Variants in TAX1BP1 observed in about 807,000 individuals in gnomAD.
The protein encoded by TAX1BP1 is tax1-binding protein 1.
TAX1BP1 carries 62 observed loss-of-function variants against 97.7 expected under a neutral mutation model. The observed-to-expected ratio is 0.63, with a 90% CI of 0.52 to 0.78. The LOEUF (loss-of-function observed/expected upper bound fraction) is 0.78, where lower values mean the gene tolerates loss of function less well. Among genes scored for constraint, TAX1BP1 ranks in the 30% least tolerant of loss-of-function variants. TAX1BP1 has a pLI of 0.00. For missense variants in TAX1BP1, 867 were observed against 916.1 expected (o/e 0.95, Z 0.69); for synonymous variants, 340 against 304.2 (o/e 1.12, Z -1.23).
chr7:27,828,658 T>G lies in TAX1BP1; in HGVS notation c.2199T>G (p.Cys733Trp). The G allele has an allele frequency of 1.9e-6, 3 of 1,614,034 alleles. No homozygotes were observed. The highest frequency in any genetic ancestry group is 1.7e-6 in the Non-Finnish European group (2 of 1,179,948). The change falls in exon 17 of 17, where the codon TGT becomes TGG. Residue 733 changes from cysteine (C) to tryptophan (W), a missense_variant. This residue lies in a region of TAX1BP1 where 822 missense variants were observed against 851.4 expected (regional missense o/e 0.97). Coordinates refer to ENST00000396319, the MANE Select transcript of TAX1BP1 (RefSeq NM_006024.7). ...SFDVHKKCPLCELMFPPNYDQ... is the reference protein window; with the variant it reads ...SFDVHKKCPLWELMFPPNYDQ... ...ATGTTCACAAGAAGTGTCCCCTCTG[T>G]GAGTTAATGTTTCCTCCTAACTATG...
chr7:27,817,052 T>C lies in TAX1BP1; in HGVS notation c.2085+14T>C. ...GAGGATAGCAAAGTAAATTGAATTT[T>C]CATTGTGTGAGCCTGTCCCTTTTTT... On this transcript the variant is annotated intron_variant, in intron 15 of 16. Transcript: ENST00000396319. 6.2e-7 allele frequency: 1 copy of C among 1,602,612 alleles called. No individual in the cohort carries two copies. The highest frequency in any genetic ancestry group is 1.1e-5 in the South Asian group (1 of 89,658).
At chr7:27,776,205 G>A (rs1789027593) in intron 5 of TAX1BP1, among the ~76,000 whole-genome samples, 1 of 152,090 alleles carries the variant, frequency 6.6e-6, no homozygotes, top group Non-Finnish European at 1.5e-5. Context: ...GTATTCTTCA[G>A]TGTATTGTAA....
chr7:27,774,456 A>G (rs1788953036), intron 5 of TAX1BP1, among the ~76,000 whole-genome samples: 1 of 152,132 alleles, frequency 6.6e-6, no homozygotes, highest in Admixed American at 6.6e-5. Context: ...ATGGCTTATA[A>G]TAACAGATAC....
intron 13 of TAX1BP1, among the ~76,000 whole-genome samples, chr7:27,812,036 T>G (rs947322265): frequency 1.3e-5 from 2 of 152,228 alleles, no homozygotes; most frequent in Non-Finnish European, 2.9e-5. Context: ...TGCGGGCTTA[T>G]ATGGTAAGTG....
At chr7:27,816,261 G>A in intron 13 of TAX1BP1, 88 bp from the exon 14 acceptor site, 1 of 1,079,316 alleles carries the variant, frequency 9.3e-7, no homozygotes, top group Non-Finnish European at 1.3e-6. Flanking sequence ...TAATTTTATT[G>A]TTATATTTTG....
intron 4 of TAX1BP1, among the ~76,000 whole-genome samples, chr7:27,767,685 A>G (rs527865780): frequency 1.3e-5 from 2 of 152,174 alleles, no homozygotes; most frequent in East Asian, 3.9e-4. Context: ...GACCACCCTC[A>G]TTTCAGGGCC....
intron 4 of TAX1BP1, 53 bp downstream of exon 4, chr7:27,766,074 CATGTTGGTTGGCAT>C (rs1788622612): frequency 2.6e-6 from 4 of 1,535,116 alleles, no homozygotes; most frequent in Admixed American, 4.0e-5. Flanking sequence ...GAACAGAGCT[CATGTTGGTTGGCAT>C]TTTAAGAATT....
chr7:27,796,561 T>A (rs1789941429), intron 12 of TAX1BP1, among the ~76,000 whole-genome samples: 1 of 152,208 alleles, frequency 6.6e-6, no homozygotes, highest in African/African-American at 2.4e-5. Flanking sequence ...GAAGTGCTGT[T>A]TTTAAATTTA....
intron 13 of TAX1BP1, among the ~76,000 whole-genome samples, chr7:27,815,116 T>G (rs575410496): frequency 3.9e-5 from 6 of 152,312 alleles, no homozygotes; most frequent in African/African-American, 1.2e-4. Context: ...GTTTTACTTC[T>G]TCCTTTCCAG....
At chr7:27,761,385 C>T (rs946402947) in intron 3 of TAX1BP1, among the ~76,000 whole-genome samples, 4 of 152,098 alleles carry the variant, frequency 2.6e-5, no homozygotes, top group Non-Finnish European at 4.4e-5. Flanking sequence ...GATGTAAATT[C>T]TGTTGATTTT....
At chr7:27,814,893 C>T (rs914739793) in intron 13 of TAX1BP1, among the ~76,000 whole-genome samples, 16 of 152,054 alleles carry the variant, frequency 1.1e-4, no homozygotes, top group South Asian at 2.1e-4. Context: ...TGTGCCACCA[C>T]GGTTGACTAA....
chr7:27,761,191 G>A (rs1788412588), intron 3 of TAX1BP1, among the ~76,000 whole-genome samples: 1 of 152,010 alleles, frequency 6.6e-6, no homozygotes, highest in Non-Finnish European at 1.5e-5. Context: ...TACTTTTTTG[G>A]AGCAGTTTTA....
chr7:27,809,617 C>G (rs574385559), intron 13 of TAX1BP1, among the ~76,000 whole-genome samples: 9 of 152,098 alleles, frequency 5.9e-5, no homozygotes, highest in Non-Finnish European at 7.4e-5. Flanking sequence ...CATTCTCTGT[C>G]CCCCATGAGG....
chr7:27,753,120 C>T (rs1170143045), intron 2 of TAX1BP1, among the ~76,000 whole-genome samples: 2 of 151,956 alleles, frequency 1.3e-5, no homozygotes, highest in African/African-American at 4.8e-5. Flanking sequence ...GCCAAAATGG[C>T]GAAACCCTGT....
At chr7:27,750,887 G>A (rs1378734281) in intron 2 of TAX1BP1, among the ~76,000 whole-genome samples, 1 of 151,982 alleles carries the variant, frequency 6.6e-6, no homozygotes, top group Non-Finnish European at 1.5e-5. Flanking sequence ...ATTGCAATAG[G>A]TCAGCTGTTT....
chr7:27,769,169 A>T (rs909537730), intron 4 of TAX1BP1, among the ~76,000 whole-genome samples: 1 of 151,866 alleles, frequency 6.6e-6, no homozygotes, highest in African/African-American at 2.4e-5. Flanking sequence ...GCCATTTTAT[A>T]TATAGAAACT....
intron 16 of TAX1BP1, 64 bp from the exon 17 acceptor site, chr7:27,828,564 A>G: frequency 6.7e-7 from 1 of 1,490,174 alleles, no homozygotes; most frequent in Non-Finnish European, 9.3e-7. Context: ...ACCTTGTCAT[A>G]TATGGACAAG....
At chr7:27,767,902 C>T (rs117895637) in intron 4 of TAX1BP1, among the ~76,000 whole-genome samples, 5,456 of 151,812 alleles carry the variant, frequency 0.036, 162 homozygotes, top group Non-Finnish European at 0.053. Flanking sequence ...CTTTAAAATT[C>T]TCACATTCAT....
intron 12 of TAX1BP1, among the ~76,000 whole-genome samples, chr7:27,797,919 T>C (rs2128319556): frequency 6.6e-6 from 1 of 152,146 alleles, no homozygotes; most frequent in Admixed American, 6.5e-5. Flanking sequence ...GAGTATACAG[T>C]TGGATCAGTT....
Sources: allele counts gnomAD v4.1 joint callset (sites outside exome capture counted in the v4.1 genomes callset), GRCh38; gene constraint gnomAD v4.1.1; regional missense constraint gnomAD v4.1.1; transcripts MANE v1.5; gene names NCBI Gene and HGNC (gene_info 2026-07-23, HGNC 2026-07-21).